The following PARN variants were observed in gnomAD, a reference collection of about 807,000 sequenced individuals.
The protein encoded by PARN is poly(A)-specific ribonuclease, also known as poly(A)-specific ribonuclease PARN.
PARN carries 71 observed loss-of-function variants against 102.8 expected under a neutral mutation model. That is an observed-to-expected ratio of 0.69 (90% CI 0.57 to 0.84). PARN has a LOEUF of 0.84. PARN is among the 40% of genes least tolerant of loss of function. The probability of loss-of-function intolerance (pLI) is 0.00; values close to 1 mark genes in which losing one functional copy is unlikely to be tolerated. For synonymous variants in PARN, 261 were observed against 252.9 expected (o/e 1.03, Z -0.30); for missense variants, 782 against 760.9 (o/e 1.03, Z -0.33).
chr16:14,533,915 C>T (rs1966493556), intron 21 of PARN, among the ~76,000 whole-genome samples: 1 of 152,132 alleles, frequency 6.6e-6, no homozygotes, highest in Non-Finnish European at 1.5e-5. Context: ...TCCCTCAGTC[C>T]TTCAACAGTA....
At chr16:14,535,753 G>A (rs1190512546) in intron 21 of PARN, among the ~76,000 whole-genome samples, 1 of 152,012 alleles carries the variant, frequency 6.6e-6, no homozygotes. Context: ...TTTCATTGTC[G>A]GTTATTATTG....
intron 21 of PARN, among the ~76,000 whole-genome samples, chr16:14,537,743 G>A (rs114098834): frequency 0.01 from 1,532 of 151,648 alleles, 27 homozygotes; most frequent in African/African-American, 0.036. Flanking sequence ...AGCTCAAGTA[G>A]AGAGTATAAT....
chr16:14,609,566 G>A (rs942401371), intron 7 of PARN, among the ~76,000 whole-genome samples: 40 of 152,232 alleles, frequency 2.6e-4, no homozygotes, highest in Middle Eastern at 3.4e-3. Flanking sequence ...ACGAGACCCT[G>A]TCTCAAAAAA....
At chr16:14,536,460 C>T (rs536577837) in intron 21 of PARN, among the ~76,000 whole-genome samples, 12 of 152,204 alleles carry the variant, frequency 7.9e-5, no homozygotes, top group African/African-American at 2.4e-4. Flanking sequence ...CACTGCTTTG[C>T]GTTTCCTATT....
At chr16:14,439,748 G>A (rs1960866733) in intron 23 of PARN, among the ~76,000 whole-genome samples, 1 of 152,204 alleles carries the variant, frequency 6.6e-6, no homozygotes, top group Admixed American at 6.5e-5. Flanking sequence ...GGCTGTGGTG[G>A]CTCACGCCTG....
intron 10 of PARN, 42 bp from the exon 11 acceptor site, chr16:14,604,268 C>G: frequency 7.8e-7 from 1 of 1,289,104 alleles, no homozygotes; most frequent in Non-Finnish European, 1.1e-6. Flanking sequence ...TTTTCTTTTT[C>G]TTTTTTTTTG....
chr16:14,436,746 T>A lies in PARN; in HGVS notation c.1891A>T (p.Thr631Ser). The A allele has an allele frequency of 6.3e-7, 1 of 1,598,746 alleles. No homozygotes were observed. Among genetic ancestry groups the A allele is most frequent in the Admixed American group, 1.7e-5 (1 of 57,414 alleles). Reference sequence around the variant, plus strand: ...CATGTGTCAGGAACTTCAAAGAGTGTGGCAGGGCTGTTCTTCGAGATGCTT... The same window carrying A: ...CATGTGTCAGGAACTTCAAAGAGTGAGGCAGGGCTGTTCTTCGAGATGCTT... Reference protein sequence around the residue: ...AGSISKNSPATLFEVPDTW With the variant: ...AGSISKNSPASLFEVPDTW Residue 631 changes from threonine to serine, a missense_variant, in exon 24 of 24, where the codon ACA (threonine) becomes TCA (serine). Coordinates refer to ENST00000437198, the MANE Select transcript of PARN (RefSeq NM_002582.4).
intron 18 of PARN, among the ~76,000 whole-genome samples, chr16:14,556,789 G>C (rs988536977): frequency 6.6e-6 from 1 of 151,988 alleles, no homozygotes; most frequent in East Asian, 1.9e-4. Context: ...TGACAACACA[G>C]GTTTCTTTTT....
chr16:14,548,678 G>A (rs1393472054), intron 21 of PARN, among the ~76,000 whole-genome samples: 1 of 152,164 alleles, frequency 6.6e-6, no homozygotes, highest in Non-Finnish European at 1.5e-5. Context: ...TCAGAGGCCG[G>A]GTGCAGTGGC....
intron 18 of PARN, among the ~76,000 whole-genome samples, chr16:14,560,102 C>T (rs890581146): frequency 2.0e-5 from 3 of 152,222 alleles, no homozygotes; most frequent in African/African-American, 7.2e-5. Context: ...CCTGCACTGA[C>T]TCCCTGGAAT....
chr16:14,629,477 G>A, intron 2 of PARN, 120 bp downstream of exon 2: 6 of 741,410 alleles, frequency 8.1e-6, no homozygotes, highest in South Asian at 3.1e-5. Context: ...TGTGAAACCC[G>A]CCCAAGGCTA....
At chr16:14,451,782 G>A (rs1961456526) in intron 22 of PARN, among the ~76,000 whole-genome samples, 1 of 140,330 alleles carries the variant, frequency 7.1e-6, no homozygotes, top group African/African-American at 2.6e-5. Flanking sequence ...GCCAAGGCAG[G>A]AGGATTGCTT....
At chr16:14,611,060 C>T (rs1000732508) in intron 6 of PARN, among the ~76,000 whole-genome samples, 1 of 152,208 alleles carries the variant, frequency 6.6e-6, no homozygotes, top group Non-Finnish European at 1.5e-5. Context: ...GGGGAATGAA[C>T]AGTGACAAGC....
In PARN at chr16:14,498,411, G is replaced by A. The variant is rs529464805; in HGVS notation, c.1481-15584C>T. 1.5e-4 allele frequency among the ~76,000 whole-genome samples: 23 copies of A among 152,188 alleles called. No individual in the cohort carries two copies. The South Asian group carries it at 4.8e-3, about 32-fold the overall frequency. ...GTTCCCTTTAACCGTCCCTTGCCAT[G>A]CTCCTAGCATTGGAAGCACTCAGCA... is the stretch of plus-strand genomic sequence containing the variant. On this transcript the variant is annotated intron_variant, in intron 21 of 23. Coordinates refer to ENST00000437198, the MANE Select transcript of PARN (RefSeq NM_002582.4).
chr16:14,545,709 G>C (rs1171161575), intron 21 of PARN, among the ~76,000 whole-genome samples: 2 of 152,152 alleles, frequency 1.3e-5, no homozygotes, highest in Non-Finnish European at 2.9e-5. Flanking sequence ...CCGGAATGTT[G>C]AGTCTGTTCC....
intron 22 of PARN, among the ~76,000 whole-genome samples, chr16:14,458,298 A>C (rs1448885172): frequency 2.0e-5 from 3 of 152,216 alleles, no homozygotes; most frequent in Non-Finnish European, 4.4e-5. Flanking sequence ...ACTAAAATTT[A>C]CCTTTTGACT....
intron 18 of PARN, among the ~76,000 whole-genome samples, chr16:14,575,781 G>T (rs1407076654): frequency 6.6e-6 from 1 of 152,144 alleles, no homozygotes. Context: ...GCCAAGGGTG[G>T]AATTATATGG....
intron 21 of PARN, among the ~76,000 whole-genome samples, chr16:14,548,041 G>A (rs893083388): frequency 6.6e-6 from 1 of 151,880 alleles, no homozygotes; most frequent in Non-Finnish European, 1.5e-5. Flanking sequence ...TCAGGCATTC[G>A]AGACCATCCT....
At chr16:14,567,812 C>T (rs1349287607) in intron 18 of PARN, among the ~76,000 whole-genome samples, 2 of 152,190 alleles carry the variant, frequency 1.3e-5, no homozygotes, top group South Asian at 2.1e-4. Context: ...GCCTCACCAG[C>T]GTCAGAAGGC....
Sources: allele counts gnomAD v4.1 joint callset (sites outside exome capture counted in the v4.1 genomes callset), GRCh38; gene constraint gnomAD v4.1.1; transcripts MANE v1.5; gene names NCBI Gene and HGNC (gene_info 2026-07-23, HGNC 2026-07-21).